SLC20A1: variants seen among roughly 807,000 people sequenced by gnomAD.
SLC20A1 encodes solute carrier family 20 member 1, also known as sodium-dependent phosphate transporter 1.
Under a neutral mutation model 62.7 loss-of-function variants are expected in SLC20A1, and 28 were observed. That is an observed-to-expected ratio of 0.45 (90% confidence interval 0.33 to 0.61). The LOEUF (loss-of-function observed/expected upper bound fraction) is 0.61, where lower values mean the gene tolerates loss of function less well. Among genes scored for constraint, SLC20A1 ranks in the 20% least tolerant of loss-of-function variants. The pLI is 0.02. For missense variants in SLC20A1, 673 were observed against 838.6 expected, an observed-to-expected ratio of 0.80 and a Z score of 2.44; for synonymous variants, 305 against 302.9, an observed-to-expected ratio of 1.01 and a Z score of -0.07.
chr2:112,647,603 G>T (rs1686319130), intron 3 of SLC20A1, 50 bp from the exon 4 acceptor site: 1 of 1,596,296 alleles, frequency 6.3e-7, no homozygotes, highest in South Asian at 1.1e-5. Flanking sequence ...GTGGTTTTTG[G>T]TTTCTGATTT....
At chr2:112,657,356 G>A in intron 6 of SLC20A1, 115 bp downstream of exon 6, 1 of 1,071,792 alleles carries the variant, frequency 9.3e-7, no homozygotes, top group Non-Finnish European at 1.3e-6. Flanking sequence ...ATTTTAAAGG[G>A]AAATTTGAGG....
chr2:112,647,786 C>T, intron 4 of SLC20A1, 48 bp downstream of exon 4: 2 of 1,435,030 alleles, frequency 1.4e-6, no homozygotes, highest in South Asian at 1.1e-5. Flanking sequence ...CACACCCAAT[C>T]GATTTCAAAC....
In SLC20A1 at chr2:112,662,957, G is replaced by C; in HGVS notation, c.1972G>C (p.Val658Leu). 6.8e-6 allele frequency: 11 copies of C among 1,614,174 alleles called. No homozygotes were observed. The highest frequency in any genetic ancestry group is 8.5e-6 in the Non-Finnish European group (10 of 1,180,014). Residue 658 changes from valine to leucine, a missense_variant, in exon 11 of 11, where the codon GTC becomes CTC. Coordinates refer to ENST00000272542, the MANE Select transcript of SLC20A1 (RefSeq NM_005415.5). ...RNIFMAWFVT[V>L]PISGVISAAI... is the part of the protein sequence containing the mutation. ...CATTTTTATGGCCTGGTTTGTCACA[G>C]TCCCCATTTCTGGAGTTATCAGTGC...
At chr2:112,659,812 A>G (rs1190237155) in intron 8 of SLC20A1, 50 bp downstream of exon 8, 48 of 1,512,312 alleles carry the variant, frequency 3.2e-5, no homozygotes, top group Non-Finnish European at 4.2e-5. Context: ...TAAACCATTT[A>G]TCCTTGTCAC....
At chr2:112,654,080 C>T (rs985647676) in intron 5 of SLC20A1, among the ~76,000 whole-genome samples, 5 of 152,146 alleles carry the variant, frequency 3.3e-5, no homozygotes, top group Admixed American at 6.5e-5. Flanking sequence ...ACATGATCAC[C>T]GCACCTCGCC....
At chr2:112,650,218 T>C (rs1686397623) in intron 4 of SLC20A1, among the ~76,000 whole-genome samples, 1 of 152,226 alleles carries the variant, frequency 6.6e-6, no homozygotes, top group Non-Finnish European at 1.5e-5. Flanking sequence ...CAATTTGATT[T>C]ATGGATAATC....
In SLC20A1 at chr2:112,659,014, A is replaced by T. The variant is rs755734378; in HGVS notation, c.968A>T (p.Asp323Val). The change falls in exon 7 of 11, where the codon GAT becomes GTT. Residue 323 changes from aspartate to valine, a missense_variant. Transcript: ENST00000272542. ...EERTVSFKLG[D>V]LEEAPERERL... ...AGAACAGTCTCATTCAAACTTGGAGATTTGGAGGAAGCTCCAGAGAGAGAG... is the reference window on the plus strand; with the variant it reads ...AGAACAGTCTCATTCAAACTTGGAGTTTTGGAGGAAGCTCCAGAGAGAGAG... 1 of 1,614,034 alleles carries T rather than the reference A, an allele frequency of 6.2e-7. No homozygotes were observed. Among genetic ancestry groups the T allele is most frequent in the Non-Finnish European group, 8.5e-7 (1 of 1,180,040 alleles).
Position 112,659,645 on chromosome 2 carries a change from A to G in SLC20A1, c.1490A>G (p.Asn497Ser). The G allele has an allele frequency of 6.2e-7, 1 of 1,614,234 alleles. No individual in the cohort carries two copies. The highest frequency in any genetic ancestry group is 8.5e-7 in the Non-Finnish European group (1 of 1,180,026). Residue 497 changes from asparagine (N) to serine (S), a missense_variant, in exon 8 of 11, where the codon AAT (asparagine) becomes AGT (serine). Physicochemically the swap from Asn to Ser is conservative, Grantham distance 46. Transcript: ENST00000272542. ...EMGLGDRKGS[N>S]GSLEEWYDQD... ...GGTCTAGGTGACAGAAAAGGAAGTA[A>G]TGGCTCTCTAGAAGAATGGTATGAC...
intron 6 of SLC20A1, chr2:112,658,576 G>T: frequency 7.1e-6 from 3 of 421,726 alleles, no homozygotes; most frequent in Non-Finnish European, 4.2e-6. Context: ...ACAGAAGCCC[G>T]TAAAACCTAA....
At chr2:112,662,259 G>A (rs1324396858) in intron 10 of SLC20A1, among the ~76,000 whole-genome samples, 2 of 152,144 alleles carry the variant, frequency 1.3e-5, no homozygotes, top group Non-Finnish European at 2.9e-5. Flanking sequence ...AATAATCTTA[G>A]GAAGACTTAC....
intron 10 of SLC20A1, among the ~76,000 whole-genome samples, chr2:112,661,613 A>G (rs982077129): frequency 6.6e-6 from 1 of 152,118 alleles, no homozygotes; most frequent in South Asian, 2.1e-4. Context: ...CAGTGGCACA[A>G]TCTCGGCTCA....
chr2:112,653,762 T>C (rs1686506789), intron 5 of SLC20A1, among the ~76,000 whole-genome samples: 1 of 152,188 alleles, frequency 6.6e-6, no homozygotes, highest in Admixed American at 6.5e-5. Context: ...AGTAAGTTGC[T>C]GACCCAAAGT....
Position 112,659,351 on chromosome 2 carries a change from A to C in SLC20A1, c.1196A>C (p.Lys399Thr). Residue 399 changes from lysine to threonine, a missense_variant, in exon 8 of 11, where the codon AAG becomes ACG. By Grantham distance (78) the Lys-to-Thr change is moderately conservative (BLOSUM62 -1). Transcript: ENST00000272542. The part of the protein sequence containing the change: ...KELLHKLHLA[K>T]VGDCMGDSGD... Reference sequence around the variant, plus strand: ...CTACTCCATAAATTACATCTTGCCAAGGTGGGAGATTGCATGGGAGACTCC... The same window carrying C: ...CTACTCCATAAATTACATCTTGCCACGGTGGGAGATTGCATGGGAGACTCC... 1.2e-6 allele frequency: 2 copies of C among 1,614,222 alleles called. No homozygotes were observed. Among genetic ancestry groups the C allele is most frequent in the South Asian group, 1.1e-5 (1 of 91,084 alleles).
rs752290078 is a variant in SLC20A1, at chr2:112,658,876, G to T, written c.830G>T (p.Ser277Ile). 1.2e-6 allele frequency: 2 copies of T among 1,613,974 alleles called. No homozygotes were observed. Among genetic ancestry groups the T allele is most frequent in the African/African-American group, 1.3e-5 (1 of 75,030 alleles). The part of the protein sequence containing the change: ...SESPLMEKKN[S>I]LKEDHEETKL... ...AGCCCCTTAATGGAAAAAAAGAATA[G>T]CTTGAAAGAAGACCATGAAGAAACA... Residue 277 changes from serine to isoleucine, a missense_variant, in exon 7 of 11, where the codon AGC (serine) becomes ATC (isoleucine). Ser to Ile is a moderately radical substitution (Grantham distance 142, BLOSUM62 -2). Transcript: ENST00000272542.
intron 5 of SLC20A1, among the ~76,000 whole-genome samples, chr2:112,653,937 C>T (rs1277806413): frequency 1.3e-5 from 2 of 152,176 alleles, no homozygotes; most frequent in South Asian, 2.1e-4. Flanking sequence ...GGATTACAGG[C>T]GTGCACCACC....
In SLC20A1 at chr2:112,663,132, T is replaced by C; in HGVS notation, c.*107T>C. The C allele has an allele frequency of 7.7e-7, 1 of 1,298,706 alleles. No homozygotes were observed. Among genetic ancestry groups the C allele is most frequent in the South Asian group, 1.2e-5 (1 of 83,910 alleles). The allele number at this position is 1,298,706 out of a possible 1,614,324, so 80.4% of individuals were successfully genotyped here. A position where few individuals can be genotyped will look rare whatever the true frequency, so the allele number is the denominator to read the frequency against. ...AACAGAAGACTGACAAGAGTCTTTT[T>C]ATTTGGGAGCCAGAGGAGGGAAGTG... On this transcript the variant is annotated 3_prime_UTR_variant, in exon 11 of 11. Transcript: ENST00000272542.
At chr2:112,647,197 G>A in intron 2 of SLC20A1, 35 bp downstream of exon 2, 1 of 1,595,738 alleles carries the variant, frequency 6.3e-7, no homozygotes, top group Non-Finnish European at 8.6e-7. Context: ...TCTTCGTGGT[G>A]GGTGAGCAAA....
In SLC20A1 at chr2:112,653,919, A is replaced by G. The variant is rs187577922; in HGVS notation, c.658+1121A>G. Among the ~76,000 whole-genome samples the G allele has an allele frequency of 2.0e-3, 307 of 152,088 alleles. 1 individual carries two copies. Among genetic ancestry groups the G allele is most frequent in the African/African-American group, 7.1e-3 (296 of 41,482 alleles). ...GCAATTCTCCTGCTTCAGCCTCCCA[A>G]GTAACTGGGATTACAGGCGTGCACC... On this transcript the variant is annotated intron_variant, in intron 5 of 10. Transcript: ENST00000272542.
At chr2:112,653,886 G>A (rs746757161) in intron 5 of SLC20A1, among the ~76,000 whole-genome samples, 20 of 152,044 alleles carry the variant, frequency 1.3e-4, no homozygotes, top group Admixed American at 2.0e-4. Flanking sequence ...TCTACCTCCC[G>A]GGTTCAAGCA....
Sources: allele counts gnomAD v4.1 joint callset (sites outside exome capture counted in the v4.1 genomes callset), GRCh38; gene constraint gnomAD v4.1.1; transcripts MANE v1.5; gene names NCBI Gene and HGNC (gene_info 2026-07-23, HGNC 2026-07-21).